Variants in RGPD2 observed in about 807,000 individuals in gnomAD.
The protein encoded by RGPD2 is RANBP2-like and GRIP domain-containing protein 2.
Under a neutral mutation model 36.0 loss-of-function variants are expected in RGPD2, and 2 were observed. The observed-to-expected ratio is 0.06, with a 90% CI of 0.02 to 0.17. RGPD2 has a LOEUF of 0.17. Ranked by LOEUF, RGPD2 falls within the 10% of genes least tolerant of loss-of-function variation. RGPD2 has a pLI of 1.00. For synonymous variants in RGPD2, 19 were observed against 163.8 expected (o/e 0.12, Z 6.75); for missense variants, 40 against 464.3 (o/e 0.09, Z 8.40).
chr2:87,824,714 G>GCCGCC (rs1686544803), intron 1 of RGPD2, among the ~76,000 whole-genome samples: 4 of 78,548 alleles, frequency 5.1e-5, no homozygotes, highest in South Asian at 5.2e-4. Flanking sequence ...CCGAGGCCGA[G>GCCGCC]GCCGCCGCCG....
At chr2:87,841,284 T>G in the RGPD2 span, among the ~76,000 whole-genome samples, 2 of 152,008 alleles carry the variant, frequency 1.3e-5, no homozygotes, top group African/African-American at 4.8e-5. Flanking sequence ...CCTTTCACCA[T>G]GAGTGAAAGC....
chr2:87,836,862 T>G, the RGPD2 span, among the ~76,000 whole-genome samples: 16 of 152,104 alleles, frequency 1.1e-4, no homozygotes, highest in African/African-American at 3.9e-4. Flanking sequence ...ATGACACCCA[T>G]AAGCTCAAAG....
the RGPD2 span, among the ~76,000 whole-genome samples, chr2:87,839,510 G>C: frequency 6.6e-6 from 1 of 151,826 alleles, no homozygotes; most frequent in African/African-American, 2.4e-5. Flanking sequence ...ATTCACAATG[G>C]GAAATCAACA....
At chr2:87,769,348 C>A (rs1685050107) in intron 22 of RGPD2, among the ~76,000 whole-genome samples, 1 of 152,126 alleles carries the variant, frequency 6.6e-6, no homozygotes, top group East Asian at 1.9e-4. Context: ...GTAATAAGGT[C>A]TCTTTTATGT....
chr2:87,858,135 A>G, the RGPD2 span, among the ~76,000 whole-genome samples: 1 of 152,198 alleles, frequency 6.6e-6, no homozygotes, highest in South Asian at 2.1e-4. Flanking sequence ...GTACTCAGAC[A>G]GGCATGGTGG....
At chr2:87,915,643 T>TAC in the RGPD2 span, among the ~76,000 whole-genome samples, 2 of 147,460 alleles carry the variant, frequency 1.4e-5, no homozygotes, top group Non-Finnish European at 3.0e-5. Context: ...TGTATATATA[T>TAC]ACACATATAT....
At chr2:87,843,423 AAAG>A in the RGPD2 span, among the ~76,000 whole-genome samples, 2 of 129,884 alleles carry the variant, frequency 1.5e-5, no homozygotes, top group Non-Finnish European at 3.2e-5. Context: ...ACACTTCTCA[AAAG>A]AAGACATTTA....
At chr2:87,971,444 A>G in the RGPD2 span, among the ~76,000 whole-genome samples, 1 of 134,742 alleles carries the variant, frequency 7.4e-6, no homozygotes, top group Admixed American at 8.3e-5. Context: ...TATATATATA[A>G]TATGAATATT....
the RGPD2 span, among the ~76,000 whole-genome samples, chr2:87,880,092 T>C: frequency 1.0e-5 from 1 of 96,960 alleles, no homozygotes; most frequent in Non-Finnish European, 1.9e-5. Flanking sequence ...CATATATCTG[T>C]TGGACATTCA....
chr2:87,825,046 A>AC (rs1476910362), intron 1 of RGPD2: 3 of 236,380 alleles, frequency 1.3e-5, no homozygotes, highest in Non-Finnish European at 2.4e-5. Flanking sequence ...ATTACCATCT[A>AC]CCCCCCTCAC....
At chr2:87,866,715 G>T in the RGPD2 span, among the ~76,000 whole-genome samples, 2 of 152,102 alleles carry the variant, frequency 1.3e-5, no homozygotes, top group Admixed American at 1.3e-4. Flanking sequence ...CTGCACATGT[G>T]GGGCGAGGGG....
chr2:87,937,185 G>C, the RGPD2 span, among the ~76,000 whole-genome samples: 1 of 151,842 alleles, frequency 6.6e-6, no homozygotes, highest in East Asian at 1.9e-4. Flanking sequence ...AGATCTGGTA[G>C]AGTCAGAAAA....
At chr2:87,913,513 T>C in the RGPD2 span, among the ~76,000 whole-genome samples, 1 of 150,850 alleles carries the variant, frequency 6.6e-6, no homozygotes, top group Admixed American at 6.6e-5. Flanking sequence ...CTGCATGTTG[T>C]GCACATGTAC....
chr2:87,860,393 G>A, the RGPD2 span, among the ~76,000 whole-genome samples: 2 of 151,060 alleles, frequency 1.3e-5, no homozygotes, highest in African/African-American at 4.9e-5. Flanking sequence ...TACTCTTGAT[G>A]TAATTATCTC....
At chr2:87,845,665 A>G in the RGPD2 span, among the ~76,000 whole-genome samples, 2 of 151,418 alleles carry the variant, frequency 1.3e-5, no homozygotes, top group Non-Finnish European at 3.0e-5. Context: ...AATCTTAGTT[A>G]TTTTTATAAG....
chr2:87,968,500 C>T, the RGPD2 span: 2 of 142,614 alleles, frequency 1.4e-5, no homozygotes, highest in South Asian at 2.4e-4. Context: ...CGCCCGAACT[C>T]GGGAGGCGGA....
At chr2:87,933,156 T>C in the RGPD2 span, among the ~76,000 whole-genome samples, 1 of 105,578 alleles carries the variant, frequency 9.5e-6, no homozygotes, top group East Asian at 2.2e-4. Context: ...ATTTTCACTA[T>C]TTTTTCTTTA....
the RGPD2 span, among the ~76,000 whole-genome samples, chr2:87,830,842 C>T: frequency 6.6e-6 from 1 of 152,016 alleles, no homozygotes; most frequent in Non-Finnish European, 1.5e-5. Flanking sequence ...AAACCCACCC[C>T]CATGATTCAA....
the RGPD2 span, among the ~76,000 whole-genome samples, chr2:87,913,767 TAAC>T: frequency 6.6e-6 from 1 of 152,130 alleles, no homozygotes; most frequent in South Asian, 2.1e-4. Context: ...AAGCATTTTT[TAAC>T]AACGAGAAAT....
Sources: allele counts gnomAD v4.1 joint callset (sites outside exome capture counted in the v4.1 genomes callset), GRCh38; gene constraint gnomAD v4.1.1; transcripts MANE v1.5; gene names NCBI Gene and HGNC (gene_info 2026-07-23, HGNC 2026-07-21).